CFAP299: variants seen among roughly 807,000 people sequenced by gnomAD.
CFAP299 encodes the protein cilia and flagella associated protein 299, also known as cilia- and flagella-associated protein 299.
Under a neutral mutation model 27.0 loss-of-function variants are expected in CFAP299, and 21 were observed. The ratio of observed to expected loss-of-function variants is 0.78; its 90% CI spans 0.55 to 1.12. CFAP299 has a LOEUF of 1.12. Among genes scored for constraint, CFAP299 ranks in the 50% most tolerant of loss-of-function variants. The probability of loss-of-function intolerance (pLI) is 0.00; values close to 1 mark genes in which losing one functional copy is unlikely to be tolerated. For synonymous variants in CFAP299, 104 were observed against 98.1 expected (o/e 1.06, Z -0.36); for missense variants, 310 against 276.6 (o/e 1.12, Z -0.86).
chr4:80,831,769 C>T (rs1286081372), intron 3 of CFAP299, among the ~76,000 whole-genome samples: 1 of 151,962 alleles, frequency 6.6e-6, no homozygotes, highest in Non-Finnish European at 1.5e-5. Flanking sequence ...TGATACTACC[C>T]ATTGGGGACA....
chr4:80,724,283 T>C (rs534184443), intron 3 of CFAP299, among the ~76,000 whole-genome samples: 91 of 152,236 alleles, frequency 6.0e-4, no homozygotes, highest in Middle Eastern at 3.4e-3. Flanking sequence ...CAGAACGGCA[T>C]GTGTCAGAAG....
intron 3 of CFAP299, among the ~76,000 whole-genome samples, chr4:80,764,955 G>T (rs755844807): frequency 4.6e-5 from 7 of 152,102 alleles, no homozygotes; most frequent in Non-Finnish European, 1.0e-4. Context: ...GGGGGGCAAA[G>T]GGAGGGATAG....
chr4:80,677,403 G>A (rs1411949929), intron 3 of CFAP299, among the ~76,000 whole-genome samples: 3 of 151,938 alleles, frequency 2.0e-5, no homozygotes, highest in Non-Finnish European at 4.4e-5. Context: ...TATTTACTAA[G>A]TTGTATGCAA....
chr4:80,575,523 T>C (rs961353737), intron 2 of CFAP299, among the ~76,000 whole-genome samples: 3 of 151,952 alleles, frequency 2.0e-5, no homozygotes, highest in Non-Finnish European at 4.4e-5. Context: ...TTTTATTTAT[T>C]TGGGTCTTCT....
At chr4:80,724,145 T>G (rs1280347896) in intron 3 of CFAP299, among the ~76,000 whole-genome samples, 2 of 152,170 alleles carry the variant, frequency 1.3e-5, no homozygotes, top group East Asian at 1.9e-4. Context: ...CAAATTTGAC[T>G]ATAAATTTGT....
chr4:80,610,273 A>T (rs1737898671), intron 3 of CFAP299, among the ~76,000 whole-genome samples: 1 of 152,068 alleles, frequency 6.6e-6, no homozygotes, highest in Non-Finnish European at 1.5e-5. Context: ...CAGCACACTG[A>T]TTTCCCTGGA....
In CFAP299 at chr4:80,405,805, A is replaced by G. The variant is rs1291283019; in HGVS notation, c.242+42921A>G. ...TGGGACTGATTCTAAAATTCACTAG[A>G]TGAAATAGATTGTATAATTTTCTGA... On this transcript the variant is annotated intron_variant, in intron 2 of 5. Coordinates refer to ENST00000358105, the MANE Select transcript of CFAP299 (RefSeq NM_152770.3). Among the ~76,000 whole-genome samples the G allele has an allele frequency of 4.6e-5, 7 of 152,258 alleles. No individual in the cohort carries two copies. In the East Asian group the frequency reaches 1.4e-3, roughly 29 times the overall value.
At chr4:80,629,645 C>G (rs547827999) in intron 3 of CFAP299, among the ~76,000 whole-genome samples, 7 of 151,840 alleles carry the variant, frequency 4.6e-5, no homozygotes, top group Non-Finnish European at 1.0e-4. Context: ...TTTGGGAGGC[C>G]GAGATGGGCG....
intron 2 of CFAP299, among the ~76,000 whole-genome samples, chr4:80,563,790 C>T (rs1735153713): frequency 6.6e-6 from 1 of 151,818 alleles, no homozygotes; most frequent in Non-Finnish European, 1.5e-5. Context: ...ACAAAATTGA[C>T]AAACCTCTAA....
chr4:80,884,229 C>G (rs181390952), intron 4 of CFAP299, among the ~76,000 whole-genome samples: 1 of 152,142 alleles, frequency 6.6e-6, no homozygotes, highest in Non-Finnish European at 1.5e-5. Context: ...ACATTCTTCT[C>G]AAGTGCACAA....
At chr4:80,694,373 G>T (rs562841186) in intron 3 of CFAP299, among the ~76,000 whole-genome samples, 1 of 152,242 alleles carries the variant, frequency 6.6e-6, no homozygotes, top group East Asian at 1.9e-4. Flanking sequence ...TTCTTATTCT[G>T]CAAGGCCAAA....
intron 1 of CFAP299, among the ~76,000 whole-genome samples, chr4:80,358,813 T>G (rs1228418584): frequency 6.6e-6 from 1 of 152,182 alleles, no homozygotes; most frequent in African/African-American, 2.4e-5. Context: ...TTTTAGCCCA[T>G]TTACATTCAG....
intron 3 of CFAP299, among the ~76,000 whole-genome samples, chr4:80,733,745 A>G (rs1723681387): frequency 1.3e-5 from 2 of 152,000 alleles, no homozygotes; most frequent in South Asian, 4.1e-4. Context: ...TGCTTATTTT[A>G]CTTAATATAA....
chr4:80,596,435 T>C (rs989244356), intron 3 of CFAP299, among the ~76,000 whole-genome samples: 14 of 152,228 alleles, frequency 9.2e-5, no homozygotes, highest in African/African-American at 3.4e-4. Flanking sequence ...GCTGCCCCAC[T>C]GTGATTTTTT....
intron 2 of CFAP299, among the ~76,000 whole-genome samples, chr4:80,495,532 T>C (rs998995038): frequency 2.0e-5 from 3 of 152,198 alleles, no homozygotes; most frequent in Admixed American, 1.3e-4. Context: ...GCAGGTGTAG[T>C]GGCTCACACC....
intron 3 of CFAP299, among the ~76,000 whole-genome samples, chr4:80,807,502 A>T (rs1221641477): frequency 6.6e-6 from 1 of 152,124 alleles, no homozygotes; most frequent in Non-Finnish European, 1.5e-5. Flanking sequence ...TTAATGCTTT[A>T]GAAAACTCAA....
rs1184951626 is a variant in CFAP299 at position 80,868,905 on chromosome 4, CTGTGTGTGTGTG to C, written c.334-1056_334-1045del. Among the ~76,000 whole-genome samples the C allele has an allele frequency of 5.1e-5, 7 of 137,678 alleles. No homozygotes were observed. In the East Asian group the frequency reaches 6.4e-4, roughly 13 times the overall value. The allele number at this position is 137,678 out of a possible 152,430, so 90.3% of individuals were successfully genotyped here. A position where few individuals can be genotyped will look rare whatever the true frequency, so the allele number is the denominator to read the frequency against. ...ATTCCATGGGTGGGGGCTTCTCTCT[CTGTGTGTGTGTG>C]TGTGTGTGTGTGTGTGTGTGTGTGT... On this transcript the variant is annotated intron_variant, in intron 3 of 5. Coordinates refer to ENST00000358105, the MANE Select transcript of CFAP299 (RefSeq NM_152770.3).
chr4:80,399,633 T>A (rs565413672), intron 2 of CFAP299, among the ~76,000 whole-genome samples: 14 of 141,134 alleles, frequency 9.9e-5, no homozygotes, highest in African/African-American at 3.7e-4. Flanking sequence ...TAGGTGGGAA[T>A]TGAACAACGA....
intron 4 of CFAP299, among the ~76,000 whole-genome samples, chr4:80,912,201 T>C (rs1735511561): frequency 6.6e-6 from 1 of 151,844 alleles, no homozygotes; most frequent in South Asian, 2.1e-4. Context: ...CAATGAAAAA[T>C]GAAAAAGAAA....
Sources: allele counts gnomAD v4.1 joint callset (sites outside exome capture counted in the v4.1 genomes callset), GRCh38; gene constraint gnomAD v4.1.1; transcripts MANE v1.5; gene names NCBI Gene and HGNC (gene_info 2026-07-23, HGNC 2026-07-21).